The following PSMD9 variants were observed in gnomAD, a reference collection of about 807,000 sequenced individuals.
PSMD9 encodes the protein proteasome 26S subunit, non-ATPase 9.
Under a neutral mutation model 25.9 loss-of-function variants are expected in PSMD9, and 26 were observed. The observed-to-expected ratio is 1.00, with a 90% confidence interval of 0.73 to 1.39. The LOEUF is 1.39. Among genes scored for constraint, PSMD9 ranks in the 40% most tolerant of loss-of-function variants. The probability of loss-of-function intolerance (pLI) is 0.00; values close to 1 mark genes in which losing one functional copy is unlikely to be tolerated. For missense variants in PSMD9, 303 were observed against 299.3 expected (o/e 1.01, Z -0.09); for synonymous variants, 110 against 114.5 (o/e 0.96, Z 0.25).
At chr12:121,890,476 T>C (rs1879036340) in intron 1 of PSMD9, among the ~76,000 whole-genome samples, 1 of 152,060 alleles carries the variant, frequency 6.6e-6, no homozygotes, top group Admixed American at 6.6e-5. Flanking sequence ...TTATTGTTAT[T>C]ATTATTATTG....
intron 2 of PSMD9, 27 bp from the exon 3 acceptor site, chr12:121,899,607 G>T: frequency 6.4e-7 from 1 of 1,565,876 alleles, no homozygotes; most frequent in Non-Finnish European, 8.7e-7. Context: ...GTCTTCCTTG[G>T]CCCCTGATGT....
rs1879895300 is a variant in PSMD9 at position 121,916,193 on chromosome 12, A to T, written c.645-91A>T. ...GGCATTTGCTTTAAAAGAATGAAAG[A>T]ACATTGGTGAAAAGGTCAGAAGGGC... On this transcript the variant is annotated intron_variant, in intron 5 of 5. Coordinates refer to ENST00000541212, the MANE Select transcript of PSMD9 (RefSeq NM_002813.7). 61 of 1,520,460 alleles carry T rather than the reference A, an allele frequency of 4.0e-5. No homozygotes were observed. The South Asian group carries it at 6.8e-4, about 17-fold the overall frequency. 94.2% of individuals were successfully genotyped at this position (1,520,460 alleles called of 1,614,324 possible).
intron 4 of PSMD9, chr12:121,910,923 C>T (rs975640951): frequency 2.2e-6 from 1 of 456,332 alleles, no homozygotes. Flanking sequence ...CACTAACTCT[C>T]CATTCCCACT....
At chr12:121,910,165 A>C (rs557740235) in intron 4 of PSMD9, among the ~76,000 whole-genome samples, 1 of 131,368 alleles carries the variant, frequency 7.6e-6, no homozygotes, top group Non-Finnish European at 1.5e-5. Flanking sequence ...AGCTCACTGC[A>C]GCCTCCGCCT....
At chr12:121,897,270 ATT>A (rs879236840) in intron 2 of PSMD9, 16 of 142,662 alleles carry the variant, frequency 1.1e-4, no homozygotes, top group Middle Eastern at 3.7e-3. Context: ...CACCGGACTA[ATT>A]TTTTTTTTTT....
intron 3 of PSMD9, chr12:121,902,147 A>G (rs1879419134): frequency 6.6e-6 from 1 of 152,230 alleles, no homozygotes; most frequent in South Asian, 2.1e-4. Context: ...ATGTAGTTAA[A>G]TTTAATTCCA....
At chr12:121,901,079 C>T (rs1158512090) in intron 3 of PSMD9, among the ~76,000 whole-genome samples, 3 of 151,800 alleles carry the variant, frequency 2.0e-5, no homozygotes, top group Non-Finnish European at 4.4e-5. Context: ...ACCACCTTGG[C>T]CTCCCAAAAT....
intron 3 of PSMD9, 177 bp from the exon 4 acceptor site, chr12:121,902,829 C>T (rs371391063): frequency 2.0e-5 from 11 of 561,188 alleles, no homozygotes; most frequent in African/African-American, 7.6e-5. Context: ...GAGGTGGCCC[C>T]GTTACCCACT....
intron 1 of PSMD9, among the ~76,000 whole-genome samples, chr12:121,892,633 G>A (rs1033540985): frequency 2.0e-5 from 3 of 152,034 alleles, no homozygotes; most frequent in Non-Finnish European, 2.9e-5. Flanking sequence ...CCCAGGAGGC[G>A]GAGCTTGCAG....
intron 1 of PSMD9, 47 bp from the exon 2 acceptor site, chr12:121,894,692 G>A: frequency 6.6e-7 from 1 of 1,517,210 alleles, no homozygotes; most frequent in Non-Finnish European, 9.1e-7. Context: ...GACATCCTGG[G>A]GACATTACAC....
intron 3 of PSMD9, among the ~76,000 whole-genome samples, chr12:121,901,031 C>T (rs566338326): frequency 4.7e-4 from 70 of 149,810 alleles, no homozygotes; most frequent in African/African-American, 1.6e-3. Context: ...CGCTCTGTTG[C>T]GTAGGTTGGT....
chr12:121,902,980 T>C, intron 3 of PSMD9, 26 bp from the exon 4 acceptor site: 1 of 1,591,332 alleles, frequency 6.3e-7, no homozygotes, highest in African/African-American at 1.3e-5. Context: ...TCTAGCCTGA[T>C]TTTCCATTTT....
intron 1 of PSMD9, among the ~76,000 whole-genome samples, chr12:121,890,831 C>T (rs1439613166): frequency 1.3e-5 from 2 of 152,056 alleles, no homozygotes; most frequent in Non-Finnish European, 2.9e-5. Context: ...ATGATAATCT[C>T]TTCTCTTAAA....
intron 1 of PSMD9, 98 bp from the exon 2 acceptor site, chr12:121,894,641 T>TC: frequency 9.9e-7 from 1 of 1,014,152 alleles, no homozygotes; most frequent in Non-Finnish European, 1.5e-6. Flanking sequence ...TTCATTACTG[T>TC]CACCTTTATT....
At chr12:121,897,340 C>G (rs937624451) in intron 2 of PSMD9, 1 of 151,630 alleles carries the variant, frequency 6.6e-6, no homozygotes, top group African/African-American at 2.4e-5. Flanking sequence ...ATGATCTCGG[C>G]TCACTCACTG....
chr12:121,896,188 G>A (rs948520958), intron 2 of PSMD9, among the ~76,000 whole-genome samples: 2 of 151,924 alleles, frequency 1.3e-5, no homozygotes, highest in African/African-American at 4.8e-5. Context: ...ATCTGTTCTC[G>A]GCCGGGTGCG....
At chr12:121,911,306 C>T (rs1879713242) in intron 4 of PSMD9, among the ~76,000 whole-genome samples, 2 of 152,180 alleles carry the variant, frequency 1.3e-5, no homozygotes, top group South Asian at 2.1e-4. Context: ...TCCCAAAGTG[C>T]TGGGATTACA....
At chr12:121,894,640 G>A (rs1226461102) in intron 1 of PSMD9, 99 bp from the exon 2 acceptor site, 3 of 1,017,648 alleles carry the variant, frequency 2.9e-6, no homozygotes, top group Non-Finnish European at 3.0e-6. Context: ...TTTCATTACT[G>A]TCACCTTTAT....
In PSMD9 at chr12:121,900,478, G is replaced by T. The variant is rs994975547; in HGVS notation, c.453+633G>T. On this transcript the variant is annotated intron_variant, in intron 3 of 5. Transcript: ENST00000541212. ...GGCCGAGGCCAGTGGATCACTTGAG[G>T]TCAGGAGTTCGAGACCAACCTGGCC... Among the ~76,000 whole-genome samples the T allele has an allele frequency of 2.0e-5, 3 of 150,934 alleles. No homozygotes were observed. In the East Asian group the frequency reaches 5.9e-4, roughly 30 times the overall value.
Sources: allele counts gnomAD v4.1 joint callset (sites outside exome capture counted in the v4.1 genomes callset), GRCh38; gene constraint gnomAD v4.1.1; transcripts MANE v1.5; gene names NCBI Gene and HGNC (gene_info 2026-07-23, HGNC 2026-07-21).